CTTNBP2: variants seen among roughly 807,000 people sequenced by gnomAD.
CTTNBP2 encodes the protein cortactin binding protein 2, also known as cortactin-binding protein 2.
A neutral mutation model predicts 156.9 loss-of-function variants in CTTNBP2; 108 were observed. The observed-to-expected ratio is 0.69, with a 90% CI of 0.59 to 0.81. The LOEUF (loss-of-function observed/expected upper bound fraction) is 0.81, where lower values mean the gene tolerates loss of function less well. Among genes scored for constraint, CTTNBP2 ranks in the 30% least tolerant of loss-of-function variants. CTTNBP2 has a pLI of 0.00. For missense variants in CTTNBP2, 1,924 were observed against 2,035.4 expected, an observed-to-expected ratio of 0.95 and a Z score of 1.05; for synonymous variants, 767 against 751.8, an observed-to-expected ratio of 1.02 and a Z score of -0.33.
At chr7:117,759,622 C>T (rs762898194) in intron 10 of CTTNBP2, among the ~76,000 whole-genome samples, 9 of 152,150 alleles carry the variant, frequency 5.9e-5, no homozygotes, top group Admixed American at 3.3e-4. Context: ...TTTTCCAATA[C>T]GGTGCTGTTG....
chr7:117,835,443 A>C (rs1210121222), intron 2 of CTTNBP2, among the ~76,000 whole-genome samples: 1 of 152,226 alleles, frequency 6.6e-6, no homozygotes, highest in Non-Finnish European at 1.5e-5. Context: ...GCCAAACTTC[A>C]GTCAACCACA....
At chr7:117,759,783 C>A (rs978991779) in intron 10 of CTTNBP2, among the ~76,000 whole-genome samples, 9 of 152,160 alleles carry the variant, frequency 5.9e-5, no homozygotes, top group African/African-American at 2.2e-4. Context: ...CCAATACAGT[C>A]CTTGCAAAGG....
chr7:117,839,486 T>C (rs1250426777), intron 2 of CTTNBP2, among the ~76,000 whole-genome samples: 1 of 152,222 alleles, frequency 6.6e-6, no homozygotes, highest in East Asian at 1.9e-4. Flanking sequence ...TCATAATAAA[T>C]AGAAAACTTC....
rs944421855 is a variant in CTTNBP2, at chr7:117,779,453, G to A, written c.2523+988C>T. 1.5e-4 allele frequency among the ~76,000 whole-genome samples: 23 copies of A among 152,182 alleles called. No homozygotes were observed. In the Middle Eastern group the frequency reaches 0.01, roughly 68 times the overall value. On this transcript the variant is annotated intron_variant, in intron 7 of 22. Transcript: ENST00000160373. ...TCATCAGCAACTAGTTGGAGAGAAT[G>A]GATTTCTGTGTTCTCTAACTTAGGA...
At position 117,710,891 on chromosome 7, in the gene CTTNBP2, C is replaced by T. The variant is rs1247637743; in HGVS notation, c.*646G>A. ...TATTGCATTATAATTTCATATTTTA[C>T]AGGAGTCATAATGCAAACTTATAAG... On this transcript the variant is annotated 3_prime_UTR_variant, in exon 23 of 23. Coordinates refer to ENST00000160373, the MANE Select transcript of CTTNBP2 (RefSeq NM_033427.3). 5.9e-5 allele frequency: 9 copies of T among 152,538 alleles called. No homozygotes were observed. Among genetic ancestry groups the T allele is most frequent in the Admixed American group, 5.9e-4 (9 of 15,264 alleles). 9.4% of individuals were successfully genotyped at this position (152,538 alleles called of 1,614,324 possible).
At chr7:117,840,366 AAAAAATTCT>A (rs1317532785) in intron 2 of CTTNBP2, among the ~76,000 whole-genome samples, 3 of 152,120 alleles carry the variant, frequency 2.0e-5, no homozygotes, top group Non-Finnish European at 4.4e-5. Context: ...CTTAAAAAAA[AAAAAATTCT>A]AAATTAGCCA....
intron 3 of CTTNBP2, among the ~76,000 whole-genome samples, chr7:117,804,822 A>T (rs951144940): frequency 2.0e-5 from 3 of 152,198 alleles, no homozygotes; most frequent in African/African-American, 7.2e-5. Context: ...GGCTGAGCTT[A>T]ATGCCTATGT....
At chr7:117,817,541 A>T (rs1185713754) in intron 2 of CTTNBP2, among the ~76,000 whole-genome samples, 1 of 150,656 alleles carries the variant, frequency 6.6e-6, no homozygotes, top group East Asian at 2.0e-4. Context: ...TAGTTTGCAC[A>T]TTAGTGAAAA....
intron 2 of CTTNBP2, among the ~76,000 whole-genome samples, chr7:117,845,428 A>G (rs1399045108): frequency 1.3e-5 from 2 of 152,210 alleles, no homozygotes; most frequent in African/African-American, 4.8e-5. Flanking sequence ...GCAGAGAAAA[A>G]TGGTTACTTC....
At chr7:117,718,589 G>A (rs961181679) in intron 21 of CTTNBP2, among the ~76,000 whole-genome samples, 2 of 152,098 alleles carry the variant, frequency 1.3e-5, no homozygotes, top group African/African-American at 4.8e-5. Context: ...ATCTATCAAG[G>A]CAGCTCGGTG....
At chr7:117,758,017 G>A in intron 10 of CTTNBP2, 47 bp from the exon 11 acceptor site, 2 of 1,408,240 alleles carry the variant, frequency 1.4e-6, no homozygotes, top group Non-Finnish European at 2.0e-6. Context: ...CTTATGAGTG[G>A]TTTTTCTCAC....
chr7:117,719,870 G>A (rs112489206), intron 20 of CTTNBP2, among the ~76,000 whole-genome samples: 3 of 152,156 alleles, frequency 2.0e-5, no homozygotes. Context: ...TCACTTTGAT[G>A]TACAATATTC....
At position 117,836,451 on chromosome 7, in the gene CTTNBP2, C is replaced by A. The variant is rs920498279; in HGVS notation, c.189+24758G>T. 2.6e-5 allele frequency among the ~76,000 whole-genome samples: 4 copies of A among 152,232 alleles called. No homozygotes were observed. In the East Asian group the frequency reaches 7.7e-4, roughly 29 times the overall value. ...TGGTGGTGGGCGCCTGTAGTCCCAG[C>A]CACTCCGGAGGCTGAGGCAGGAGAA... On this transcript the variant is annotated intron_variant, in intron 2 of 22. Coordinates refer to ENST00000160373, the MANE Select transcript of CTTNBP2 (RefSeq NM_033427.3).
Position 117,757,947 on chromosome 7 carries a change from G to C in CTTNBP2, c.3196C>G (p.Gln1066Glu). The C allele has an allele frequency of 1.2e-6, 2 of 1,613,282 alleles. No individual in the cohort carries two copies. The highest frequency in any genetic ancestry group is 1.7e-6 in the Non-Finnish European group (2 of 1,179,658). The change falls in exon 11 of 23, where the codon CAG becomes GAG. Residue 1066 changes from glutamine to glutamate, a missense_variant. Physicochemically the swap from Gln to Glu is conservative, Grantham distance 29. Transcript: ENST00000160373. Reference protein sequence around the residue: ...TLGNVPWSVGQSFAQSPWDFM... With the variant: ...TLGNVPWSVGESFAQSPWDFM... ...TCCCACGGGGACTGCGCGAAGCTCT[G>C]ACCCACTGACCACGGCACATTTCCT...
intron 6 of CTTNBP2, among the ~76,000 whole-genome samples, chr7:117,781,394 T>C (rs1798426175): frequency 6.6e-6 from 1 of 152,074 alleles, no homozygotes; most frequent in Non-Finnish European, 1.5e-5. Context: ...GATTTATACA[T>C]TTTTTTTAAA....
At chr7:117,800,445 G>A (rs1799548868) in intron 3 of CTTNBP2, among the ~76,000 whole-genome samples, 1 of 152,050 alleles carries the variant, frequency 6.6e-6, no homozygotes, top group Non-Finnish European at 1.5e-5. Context: ...TTACCCACAT[G>A]TATGCATTTT....
intron 12 of CTTNBP2, among the ~76,000 whole-genome samples, chr7:117,748,684 G>C (rs1796468537): frequency 6.6e-6 from 1 of 152,142 alleles, no homozygotes; most frequent in South Asian, 2.1e-4. Context: ...TCTAAGCCCA[G>C]ACTCTACTAT....
chr7:117,728,273 G>C lies in CTTNBP2; in HGVS notation c.3877-6C>G, dbSNP rs1401060128. On this transcript the variant is annotated splice_polypyrimidine_tract_variant and splice_region_variant and intron_variant, in intron 16 of 22. Transcript: ENST00000160373. ...GAGGGCGCCTGACCTTTGAACTAGA[G>C]AGACAGGGAGGTGGAACCCAGGGGC... 6.2e-7 allele frequency: 1 copy of C among 1,601,526 alleles called. No individual in the cohort carries two copies. The highest frequency in any genetic ancestry group is 8.5e-7 in the Non-Finnish European group (1 of 1,173,236).
chr7:117,716,538 C>T (rs1445556391), intron 22 of CTTNBP2, among the ~76,000 whole-genome samples: 1 of 152,108 alleles, frequency 6.6e-6, no homozygotes, highest in Non-Finnish European at 1.5e-5. Flanking sequence ...TGAGTTGAGG[C>T]TTTAAAGATA....
Sources: allele counts gnomAD v4.1 joint callset (sites outside exome capture counted in the v4.1 genomes callset), GRCh38; gene constraint gnomAD v4.1.1; transcripts MANE v1.5; gene names NCBI Gene and HGNC (gene_info 2026-07-23, HGNC 2026-07-21).